Variants in URI1 observed in about 807,000 individuals in gnomAD.
URI1 encodes unconventional prefoldin RPB5 interactor 1.
Under a neutral mutation model 60.2 loss-of-function variants are expected in URI1, and 39 were observed. The observed-to-expected ratio is 0.65, with a 90% CI of 0.50 to 0.85. The LOEUF (loss-of-function observed/expected upper bound fraction) is 0.85. Among genes scored for constraint, URI1 ranks in the 40% least tolerant of loss-of-function variants. URI1 has a pLI of 0.00. For synonymous variants in URI1, 251 were observed against 236.8 expected, an observed-to-expected ratio of 1.06 and a Z score of -0.55; for missense variants, 691 against 665.9, an observed-to-expected ratio of 1.04 and a Z score of -0.42.
chr19:29,938,302 C>T (rs1030725580), upstream of URI1, among the ~76,000 whole-genome samples: 5 of 152,044 alleles, frequency 3.3e-5, no homozygotes, highest in East Asian at 7.7e-4. Flanking sequence ...GGGAGCTGCA[C>T]GTCACATGGC....
chr19:29,956,890 G>C, intron 1 of URI1: 1 of 1,325,512 alleles, frequency 7.5e-7, no homozygotes, highest in Non-Finnish European at 1.1e-6. Context: ...CCTTCCGCAG[G>C]GTTCCTCTGG....
At chr19:29,991,620 A>G (rs896457573) in intron 4 of URI1, among the ~76,000 whole-genome samples, 1 of 152,138 alleles carries the variant, frequency 6.6e-6, no homozygotes, top group South Asian at 2.1e-4. Flanking sequence ...TTCCTTGGCT[A>G]GGACTTGCAG....
chr19:29,952,947 C>T (rs751533621), intron 1 of URI1, among the ~76,000 whole-genome samples: 5 of 152,178 alleles, frequency 3.3e-5, no homozygotes, highest in Admixed American at 1.3e-4. Context: ...ATCTAAGAAT[C>T]CATTGCCAGA....
chr19:29,925,869 G>GA (rs1255081753), intron 1 of URI1: 1 of 152,220 alleles, frequency 6.6e-6, no homozygotes, highest in Non-Finnish European at 1.5e-5. Flanking sequence ...GAACTAACAT[G>GA]AAACTGGACA....
intron 1 of URI1, among the ~76,000 whole-genome samples, chr19:29,947,786 G>T (rs2055120763): frequency 6.6e-6 from 1 of 152,194 alleles, no homozygotes; most frequent in African/African-American, 2.4e-5. Flanking sequence ...TTGATCAACA[G>T]ACATTTTTAA....
In URI1 at chr19:29,985,267, G is replaced by C. The variant is rs1251836657; in HGVS notation, c.197G>C (p.Ser66Thr). Residue 66 changes from serine to threonine, a missense_variant, in exon 3 of 11, where the codon AGC becomes ACC. By Grantham distance (58) the Ser-to-Thr change is moderately conservative (BLOSUM62 1). Coordinates refer to ENST00000392271, the MANE Select transcript of URI1 (RefSeq NM_003796.3). ...NDYNALRERL[S>T]TLPDKLSYNI... Reference sequence around the variant, plus strand: ...TATAATGCCCTTCGAGAAAGACTCAGCACCTTGCCTGATAAATTGTCTTAT... The same window carrying C: ...TATAATGCCCTTCGAGAAAGACTCACCACCTTGCCTGATAAATTGTCTTAT... 1.9e-6 allele frequency: 3 copies of C among 1,609,566 alleles called. No homozygotes were observed. Among genetic ancestry groups the C allele is most frequent in the Non-Finnish European group, 8.5e-7 (1 of 1,178,018 alleles).
chr19:29,956,314 C>A, intron 1 of URI1: 11 of 531,734 alleles, frequency 2.1e-5, no homozygotes, highest in Non-Finnish European at 3.0e-5. Flanking sequence ...TTAAGAAGGT[C>A]CAAATCAATA....
chr19:29,934,467 G>A (rs987495562), intron 1 of URI1, among the ~76,000 whole-genome samples: 2 of 152,208 alleles, frequency 1.3e-5, no homozygotes, highest in African/African-American at 4.8e-5. Context: ...CCCTTGGCTT[G>A]CAGATGCTGC....
intron 1 of URI1, among the ~76,000 whole-genome samples, chr19:29,931,808 T>C (rs2054919721): frequency 6.6e-6 from 1 of 152,152 alleles, no homozygotes; most frequent in Non-Finnish European, 1.5e-5. Context: ...TTCAGATTGT[T>C]GTTTCCTACT....
At chr19:29,951,167 C>G (rs540415293) in intron 1 of URI1, among the ~76,000 whole-genome samples, 1 of 152,268 alleles carries the variant, frequency 6.6e-6, no homozygotes, top group African/African-American at 2.4e-5. Flanking sequence ...TCAGGAGACA[C>G]ATAATGTCAT....
chr19:29,963,702 T>C (rs780121778), intron 1 of URI1, among the ~76,000 whole-genome samples: 27 of 152,200 alleles, frequency 1.8e-4, no homozygotes, highest in Non-Finnish European at 3.7e-4. Context: ...AGGTGATAAC[T>C]TCCTCTGGAA....
intron 1 of URI1, among the ~76,000 whole-genome samples, chr19:29,963,266 C>T (rs2145299755): frequency 6.6e-6 from 1 of 152,278 alleles, no homozygotes; most frequent in East Asian, 1.9e-4. Flanking sequence ...TTTCACATGT[C>T]TCTTATTGGT....
rs1367108577 is a variant in URI1 at position 29,981,133 on chromosome 19, CT to C, written c.153-4086del. 4.6e-5 allele frequency among the ~76,000 whole-genome samples: 7 copies of C among 151,178 alleles called. 1 individual carries two copies. In the South Asian group the frequency reaches 8.3e-4, roughly 18 times the overall value. On this transcript the variant is annotated intron_variant, in intron 2 of 10. Transcript: ENST00000392271. Reference sequence around the variant, plus strand: ...TAGAGATTTTTATTTTTGTCAGTCACTTTTAAGAGGATTAAAAATGTTGATC... The same window carrying C: ...TAGAGATTTTTATTTTTGTCAGTCACTTTAAGAGGATTAAAAATGTTGATC...
intron 1 of URI1, among the ~76,000 whole-genome samples, chr19:29,924,024 C>T (rs1364091232): frequency 6.6e-6 from 1 of 152,120 alleles, no homozygotes; most frequent in African/African-American, 2.4e-5. Flanking sequence ...GTTCTGAGAA[C>T]CAGGAGCTTC....
At chr19:29,996,944 G>T (rs774649187) in intron 4 of URI1, among the ~76,000 whole-genome samples, 1 of 152,078 alleles carries the variant, frequency 6.6e-6, no homozygotes, top group Non-Finnish European at 1.5e-5. Context: ...TGCATTCCAG[G>T]GTGTGGCAGA....
In URI1 at chr19:29,985,282, A is replaced by C; in HGVS notation, c.212A>C (p.Lys71Thr). 6.2e-7 allele frequency: 1 copy of C among 1,611,212 alleles called. No homozygotes were observed. ...LRERLSTLPD[K>T]LSYNIMVPFG... ...GAAAGACTCAGCACCTTGCCTGATAAATTGTCTTATAATATAATGGTATGT... is the reference window on the plus strand; with the variant it reads ...GAAAGACTCAGCACCTTGCCTGATACATTGTCTTATAATATAATGGTATGT... Residue 71 changes from lysine (K) to threonine (T), a missense_variant, in exon 3 of 11, where the codon AAA becomes ACA. Lys to Thr is a moderately conservative substitution (Grantham distance 78). Transcript: ENST00000392271.
upstream of URI1, among the ~76,000 whole-genome samples, chr19:29,939,270 C>T (rs375192247): frequency 6.6e-6 from 1 of 151,202 alleles, no homozygotes; most frequent in Admixed American, 6.6e-5. Context: ...AGCCACTGCG[C>T]CTTGCCAATT....
At chr19:29,927,855 G>A (rs1004160051) in intron 1 of URI1, among the ~76,000 whole-genome samples, 5 of 151,962 alleles carry the variant, frequency 3.3e-5, no homozygotes, top group Admixed American at 2.0e-4. Flanking sequence ...GGGATTAGGC[G>A]TGACCTACGG....
intron 4 of URI1, among the ~76,000 whole-genome samples, chr19:29,991,728 T>G (rs962756942): frequency 6.6e-6 from 1 of 152,200 alleles, no homozygotes; most frequent in Non-Finnish European, 1.5e-5. Flanking sequence ...AAGTGTGTGT[T>G]AGCTGTAGGT....
Sources: allele counts gnomAD v4.1 joint callset (sites outside exome capture counted in the v4.1 genomes callset), GRCh38; gene constraint gnomAD v4.1.1; transcripts MANE v1.5; gene names NCBI Gene and HGNC (gene_info 2026-07-23, HGNC 2026-07-21).